Variants in BLTP1 observed in about 807,000 individuals in gnomAD.
BLTP1 encodes the protein bridge-like lipid transfer protein family member 1, also known as fragile site-associated protein.
At chr4:122,152,447 G>A in the BLTP1 span, 1 of 985,680 alleles carries the variant, frequency 1.0e-6, no homozygotes, top group Admixed American at 6.1e-5. Context: ...GGGCTAAAGG[G>A]TGTGGGCACC....
the BLTP1 span, among the ~76,000 whole-genome samples, chr4:122,268,564 T>A: frequency 1.3e-5 from 2 of 152,190 alleles, no homozygotes; most frequent in African/African-American, 4.8e-5. Context: ...TGGCTAGATA[T>A]TAAGAGTGTC....
At chr4:122,318,738 G>T in the BLTP1 span, among the ~76,000 whole-genome samples, 1 of 152,124 alleles carries the variant, frequency 6.6e-6, no homozygotes, top group East Asian at 1.9e-4. Context: ...GGTTTAGTCG[G>T]TCCCATTAGA....
the BLTP1 span, among the ~76,000 whole-genome samples, chr4:122,157,409 CAG>C: frequency 3.1e-4 from 47 of 152,130 alleles, 1 homozygote; most frequent in African/African-American, 9.9e-4. Flanking sequence ...GTGCACCTGA[CAG>C]GGGTGGGGTT....
the BLTP1 span, chr4:122,247,298 T>G: frequency 6.2e-7 from 1 of 1,613,432 alleles, no homozygotes; most frequent in South Asian, 1.1e-5. Flanking sequence ...GGCAAAGAAA[T>G]TGCAGCTAAG....
chr4:122,279,111 CTTTG>C, the BLTP1 span, among the ~76,000 whole-genome samples: 2 of 152,106 alleles, frequency 1.3e-5, no homozygotes. Flanking sequence ...AAAGCTCTGC[CTTTG>C]TTTGGAGTTG....
At chr4:122,301,854 G>C in the BLTP1 span, among the ~76,000 whole-genome samples, 1 of 152,038 alleles carries the variant, frequency 6.6e-6, no homozygotes, top group African/African-American at 2.4e-5. Flanking sequence ...TTGAGCCCAG[G>C]AGTTTGAGAC....
the BLTP1 span, chr4:122,230,344 C>A: frequency 1.4e-6 from 1 of 716,238 alleles, no homozygotes; most frequent in Non-Finnish European, 2.3e-6. Flanking sequence ...TGTGCTGCTG[C>A]ACCTCAATGA....
At chr4:122,224,644 T>C in the BLTP1 span, 2 of 1,614,088 alleles carry the variant, frequency 1.2e-6, no homozygotes, top group Non-Finnish European at 8.5e-7. Context: ...ATGTGCAGGC[T>C]GGAAGTCTTA....
chr4:122,224,066 T>G, the BLTP1 span: 1 of 982,970 alleles, frequency 1.0e-6, no homozygotes, highest in Non-Finnish European at 1.2e-6. Context: ...AAGTTTACTT[T>G]TCCCCACCAT....
chr4:122,215,826 T>C, the BLTP1 span, among the ~76,000 whole-genome samples: 1 of 150,202 alleles, frequency 6.7e-6, no homozygotes, highest in Non-Finnish European at 1.5e-5. Context: ...TGTAGTCTTT[T>C]ATCCCTCACC....
chr4:122,270,695 A>G, the BLTP1 span, among the ~76,000 whole-genome samples: 2 of 152,102 alleles, frequency 1.3e-5, no homozygotes, highest in African/African-American at 4.8e-5. Flanking sequence ...ACTTAACTCT[A>G]AATTCCAATA....
chr4:122,203,868 AT>A, the BLTP1 span: 1 of 477,838 alleles, frequency 2.1e-6, no homozygotes, highest in East Asian at 1.5e-4. Context: ...AAATAATAAG[AT>A]TTGTTAAAAT....
the BLTP1 span, among the ~76,000 whole-genome samples, chr4:122,340,156 T>G: frequency 6.6e-6 from 1 of 152,154 alleles, no homozygotes; most frequent in Non-Finnish European, 1.5e-5. Flanking sequence ...GGAGACAATT[T>G]TGATAGTCGT....
At chr4:122,211,852 C>G in the BLTP1 span, among the ~76,000 whole-genome samples, 2 of 152,058 alleles carry the variant, frequency 1.3e-5, no homozygotes, top group Admixed American at 1.3e-4. Context: ...TTAAATGTCC[C>G]CAACAGATTA....
At chr4:122,269,194 A>T in the BLTP1 span, 2 of 437,120 alleles carry the variant, frequency 4.6e-6, no homozygotes, top group African/African-American at 4.3e-5. Flanking sequence ...GTATACATAC[A>T]GTCTATGTTT....
At chr4:122,236,777 T>C in the BLTP1 span, 6 of 969,148 alleles carry the variant, frequency 6.2e-6, no homozygotes, top group Non-Finnish European at 7.4e-6. Context: ...ATTCTTATAA[T>C]GTGTAATAGG....
chr4:122,188,978 TC>T, the BLTP1 span: 59 of 985,302 alleles, frequency 6.0e-5, no homozygotes, highest in Non-Finnish European at 6.3e-5. Context: ...CTGTGGGTCT[TC>T]CTGGCCTCAC....
the BLTP1 span, chr4:122,276,263 T>C: frequency 5.5e-6 from 2 of 366,370 alleles, no homozygotes; most frequent in South Asian, 2.6e-4. Context: ...ACTGTAGTTG[T>C]GTGTTGCTTG....
the BLTP1 span, chr4:122,177,797 A>G: frequency 1.3e-5 from 2 of 152,164 alleles, no homozygotes; most frequent in Non-Finnish European, 2.9e-5. Context: ...ATACTTTTGT[A>G]AAGCAGCACC....
Sources: gnomAD v4.1 joint callset for allele counts (sites outside exome capture counted in the v4.1 genomes callset) on GRCh38, gnomAD v4.1.1 for gene constraint, MANE v1.5 for transcripts, NCBI Gene and HGNC (gene_info 2026-07-23, HGNC 2026-07-21) for gene names.